Variants in STRBP observed in about 807,000 individuals in gnomAD.
The protein encoded by STRBP is spermatid perinuclear RNA binding protein, also known as spermatid perinuclear RNA-binding protein.
A neutral mutation model predicts 80.1 loss-of-function variants in STRBP; 13 were observed. The ratio of observed to expected loss-of-function variants is 0.16; its 90% CI spans 0.11 to 0.26. The LOEUF (loss-of-function observed/expected upper bound fraction) is 0.26, where lower values mean the gene tolerates loss of function less well. Among genes scored for constraint, STRBP ranks in the 10% least tolerant of loss-of-function variants. STRBP has a pLI of 1.00. For synonymous variants in STRBP, 284 were observed against 291.2 expected (o/e 0.98, Z 0.25); for missense variants, 485 against 815.2 (o/e 0.59, Z 4.93).
chr9:123,152,111 G>C (rs902922403), intron 11 of STRBP, among the ~76,000 whole-genome samples: 3 of 152,106 alleles, frequency 2.0e-5, no homozygotes, highest in Admixed American at 2.0e-4. Flanking sequence ...GTCCTAAGAA[G>C]ATGGAAGTCC....
chr9:123,145,262 C>T (rs1381053876), intron 13 of STRBP, among the ~76,000 whole-genome samples: 1 of 152,148 alleles, frequency 6.6e-6, no homozygotes, highest in East Asian at 1.9e-4. Context: ...TTACCAAAAG[C>T]TCAGGTGAAT....
intron 2 of STRBP, among the ~76,000 whole-genome samples, chr9:123,223,940 G>T (rs900799000): frequency 6.6e-6 from 1 of 152,130 alleles, no homozygotes; most frequent in Non-Finnish European, 1.5e-5. Flanking sequence ...CTAGAGTAGA[G>T]CAACAAAGTA....
At chr9:123,198,035 C>T (rs1212684093) in intron 2 of STRBP, among the ~76,000 whole-genome samples, 1 of 152,072 alleles carries the variant, frequency 6.6e-6, no homozygotes, top group Non-Finnish European at 1.5e-5. Flanking sequence ...TGGTTTTAAT[C>T]TGCATTTCCC....
At chr9:123,203,476 C>T (rs1027869597) in intron 2 of STRBP, among the ~76,000 whole-genome samples, 5 of 152,132 alleles carry the variant, frequency 3.3e-5, no homozygotes, top group Admixed American at 1.3e-4. Flanking sequence ...TAATCTGATT[C>T]CCGTTAACTT....
chr9:123,172,931 G>A (rs1472968035), intron 5 of STRBP, among the ~76,000 whole-genome samples: 2 of 152,156 alleles, frequency 1.3e-5, no homozygotes, highest in African/African-American at 4.8e-5. Context: ...TTGATATGAA[G>A]ACAAACTAAT....
intron 2 of STRBP, among the ~76,000 whole-genome samples, chr9:123,191,136 G>A (rs894442673): frequency 1.3e-5 from 2 of 152,166 alleles, no homozygotes; most frequent in Admixed American, 6.5e-5. Context: ...GGTGTGAAAT[G>A]CTTGGAAAAG....
chr9:123,263,231 T>C (rs1267392413), intron 1 of STRBP, among the ~76,000 whole-genome samples: 3 of 152,122 alleles, frequency 2.0e-5, no homozygotes, highest in Non-Finnish European at 4.4e-5. Context: ...CTATCGGAGC[T>C]GGGTATCACC....
At chr9:123,248,265 T>TC (rs1457425643) in intron 1 of STRBP, among the ~76,000 whole-genome samples, 2 of 140,220 alleles carry the variant, frequency 1.4e-5, no homozygotes, top group Non-Finnish European at 3.1e-5. Context: ...TATCGTGTTT[T>TC]TTTTTTTTTT....
At chr9:123,218,937 G>T (rs1464264068) in intron 2 of STRBP, among the ~76,000 whole-genome samples, 1 of 152,076 alleles carries the variant, frequency 6.6e-6, no homozygotes, top group African/African-American at 2.4e-5. Context: ...CCCTATAAAA[G>T]AAGTACTATT....
At chr9:123,155,535 C>G (rs931284166) in intron 11 of STRBP, among the ~76,000 whole-genome samples, 2 of 151,574 alleles carry the variant, frequency 1.3e-5, no homozygotes, top group African/African-American at 4.9e-5. Flanking sequence ...AATACAAGCA[C>G]GGTAAGGACA....
chr9:123,124,780 C>G lies in STRBP; in HGVS notation c.*817G>C. 3.0e-6 allele frequency: 3 copies of G among 985,404 alleles called. No homozygotes were observed. The highest frequency in any genetic ancestry group is 3.6e-6 in the Non-Finnish European group (3 of 829,914). The allele number at this position is 985,404 out of a possible 1,614,324, so 61.0% of individuals were successfully genotyped here. On this transcript the variant is annotated 3_prime_UTR_variant, in exon 19 of 19. Transcript: ENST00000348403. ...AAACTAGGATAATCACATTCTCCTT[C>G]CCCATCTCTGGGTAGTGCCATCATT...
Position 123,123,959 on chromosome 9 carries a change from C to G in STRBP, c.*1638G>C. The G allele has an allele frequency of 1.0e-6, 1 of 985,388 alleles. No individual in the cohort carries two copies. Among genetic ancestry groups the G allele is most frequent in the Non-Finnish European group, 1.2e-6 (1 of 829,920 alleles). The allele number at this position is 985,388 out of a possible 1,614,324, so 61.0% of individuals were successfully genotyped here. ...TGCACAGGATGAGAATGATAAGTTA[C>G]AGCTATTTCCAGCAAGTGATGAGGT... On this transcript the variant is annotated 3_prime_UTR_variant, in exon 19 of 19. Coordinates refer to ENST00000348403, the MANE Select transcript of STRBP (RefSeq NM_018387.5).
intron 1 of STRBP, among the ~76,000 whole-genome samples, chr9:123,260,542 C>T (rs1250213697): frequency 6.6e-6 from 1 of 152,118 alleles, no homozygotes; most frequent in African/African-American, 2.4e-5. Flanking sequence ...CTGGTAAGTA[C>T]TTTCTAAGAG....
intron 6 of STRBP, among the ~76,000 whole-genome samples, chr9:123,165,942 T>C (rs761886117): frequency 6.6e-6 from 1 of 152,200 alleles, no homozygotes; most frequent in Non-Finnish European, 1.5e-5. Context: ...TATATATTAC[T>C]TGAGCTATGA....
At chr9:123,139,454 T>A in intron 14 of STRBP, 75 bp downstream of exon 14, 1 of 1,212,566 alleles carries the variant, frequency 8.2e-7, no homozygotes, top group Non-Finnish European at 1.1e-6. Flanking sequence ...ATTTTATTTA[T>A]ACTTTTCCAC....
chr9:123,234,321 G>A (rs1588140098), intron 2 of STRBP, among the ~76,000 whole-genome samples: 2 of 146,584 alleles, frequency 1.4e-5, no homozygotes, highest in Admixed American at 6.8e-5. Context: ...CTGTTACCAA[G>A]ACTATTCAGA....
Position 123,122,217 on chromosome 9 carries a change from A to ACAGT in STRBP, c.*3376_*3379dup. 2 of 804,286 alleles carry ACAGT rather than the reference A, an allele frequency of 2.5e-6. No individual in the cohort carries two copies. The highest frequency in any genetic ancestry group is 3.6e-6 in the Non-Finnish European group (2 of 558,662). 49.8% of individuals were successfully genotyped at this position (804,286 alleles called of 1,614,324 possible). On this transcript the variant is annotated 3_prime_UTR_variant, in exon 19 of 19. Coordinates refer to ENST00000348403, the MANE Select transcript of STRBP (RefSeq NM_018387.5). ...CCTTTGTATACTGAGATCACAGCTT[A>ACAGT]CAGTCACTATATCTCAGCCTATTTT...
At chr9:123,198,303 T>A (rs1389809574) in intron 2 of STRBP, among the ~76,000 whole-genome samples, 2 of 151,832 alleles carry the variant, frequency 1.3e-5, no homozygotes, top group Non-Finnish European at 2.9e-5. Context: ...GCCAGGCTAA[T>A]TTTTTTTGTA....
chr9:123,200,115 T>A (rs1246853434), intron 2 of STRBP, among the ~76,000 whole-genome samples: 3 of 152,262 alleles, frequency 2.0e-5, no homozygotes, highest in Non-Finnish European at 4.4e-5. Flanking sequence ...ATGCTTTTTC[T>A]GCATCTATTG....
Sources: allele counts gnomAD v4.1 joint callset (sites outside exome capture counted in the v4.1 genomes callset), GRCh38; gene constraint gnomAD v4.1.1; transcripts MANE v1.5; gene names NCBI Gene and HGNC (gene_info 2026-07-23, HGNC 2026-07-21).